Variants in MYO5C observed in about 807,000 individuals in gnomAD.
The protein encoded by MYO5C is myosin VC, also known as unconventional myosin-Vc.
Under a neutral mutation model 235.7 loss-of-function variants are expected in MYO5C, and 194 were observed. The ratio of observed to expected loss-of-function variants is 0.82; its 90% CI spans 0.73 to 0.93. The LOEUF (loss-of-function observed/expected upper bound fraction) is 0.93. MYO5C is among the 40% of genes least tolerant of loss of function. MYO5C has a pLI of 0.00. For synonymous variants in MYO5C, 707 were observed against 754.8 expected (o/e 0.94, Z 1.04); for missense variants, 2,038 against 2,127.2 (o/e 0.96, Z 0.82).
At chr15:52,211,652 T>G in intron 35 of MYO5C, 78 bp downstream of exon 35, 1 of 1,481,364 alleles carries the variant, frequency 6.8e-7, no homozygotes, top group South Asian at 1.3e-5. Context: ...CAATGGAGGC[T>G]CAGGATGGGC....
chr15:52,271,717 G>T, intron 7 of MYO5C, 46 bp downstream of exon 7: 2 of 1,082,710 alleles, frequency 1.8e-6, no homozygotes, highest in Non-Finnish European at 2.6e-6. Context: ...TAGAATTTAA[G>T]CCCTCCATAA....
At chr15:52,205,307 AG>A (rs1178555438) in intron 37 of MYO5C, 160 bp from the exon 38 acceptor site, 3 of 798,752 alleles carry the variant, frequency 3.8e-6, no homozygotes, top group Non-Finnish European at 5.8e-6. Flanking sequence ...TTGGGACACC[AG>A]GGTGTGTGTC....
At position 52,192,837 on chromosome 15, in the gene MYO5C, A is replaced by T. The variant is rs925061966; in HGVS notation, c.*1065T>A. The T allele has an allele frequency of 2.8e-5, 4 of 145,424 alleles. No individual in the cohort carries two copies. Among genetic ancestry groups the T allele is most frequent in the African/African-American group, 9.9e-5 (4 of 40,572 alleles). 9.0% of individuals were successfully genotyped at this position (145,424 alleles called of 1,614,324 possible). ...TTTCAATCTGAGGTTGTTTTAAAAA[A>T]GTTATTGTATGAAAGGTATTAAAAA... On this transcript the variant is annotated 3_prime_UTR_variant, in exon 41 of 41. Coordinates refer to ENST00000261839, the MANE Select transcript of MYO5C (RefSeq NM_018728.4).
rs1472422847 is a variant in MYO5C, at chr15:52,271,798, G to C, written c.797C>G (p.Ser266Cys). ...NYHIFYQLCA[S>C]AQQSEFKHLK... ...ATGTTTAAATTCCGACTGCTGTGCA[G>C]ATGCACAAAGCTGATAGAAAATGTG... Residue 266 changes from serine (S) to cysteine (C), a missense_variant, in exon 7 of 41, where the codon TCT (serine) becomes TGT (cysteine). Physicochemically the swap from Ser to Cys is moderately radical, Grantham distance 112. Coordinates refer to ENST00000261839, the MANE Select transcript of MYO5C (RefSeq NM_018728.4). 1.3e-6 allele frequency: 2 copies of C among 1,582,480 alleles called. No individual in the cohort carries two copies. Among genetic ancestry groups the C allele is most frequent in the African/African-American group, 1.3e-5 (1 of 74,564 alleles).
At chr15:52,258,005 CTGCT>C (rs2036618103) in intron 10 of MYO5C, among the ~76,000 whole-genome samples, 1 of 152,196 alleles carries the variant, frequency 6.6e-6, no homozygotes, top group East Asian at 1.9e-4. Context: ...GGAGGCTGGT[CTGCT>C]CATGGAAGCA....
rs552636024 is a variant in MYO5C at position 52,211,872 on chromosome 15, C to T, written c.4154G>A (p.Arg1385His). 52 of 1,613,740 alleles carry T rather than the reference C, an allele frequency of 3.2e-5. No individual in the cohort carries two copies. Among genetic ancestry groups the T allele is most frequent in the African/African-American group, 2.0e-4 (15 of 75,028 alleles). ...IQNLILDLKP[R>H]GVVVNMIPGL... is the part of the protein sequence containing the mutation. ...GGGGATCATGTTCACCACCACGCCA[C>T]GGGGCTTCAAGTCTGAAGCAGAGAG... The change falls in exon 35 of 41, where the codon CGT becomes CAT. Residue 1385 changes from arginine to histidine, a missense_variant. Coordinates refer to ENST00000261839, the MANE Select transcript of MYO5C (RefSeq NM_018728.4).
intron 25 of MYO5C, among the ~76,000 whole-genome samples, chr15:52,226,914 A>G (rs1395292904): frequency 1.3e-5 from 2 of 152,116 alleles, no homozygotes; most frequent in Non-Finnish European, 2.9e-5. Flanking sequence ...TTGGGAGGCT[A>G]GTGCGGGTGG....
At chr15:52,229,387 G>A in intron 24 of MYO5C, 74 bp from the exon 25 acceptor site, 4 of 1,405,406 alleles carry the variant, frequency 2.8e-6, no homozygotes, top group South Asian at 1.3e-5. Flanking sequence ...CACTTTGGGA[G>A]GCCAAGGCAG....
At chr15:52,286,970 G>T (rs77042728) in intron 1 of MYO5C, among the ~76,000 whole-genome samples, 1 of 107,402 alleles carries the variant, frequency 9.3e-6, no homozygotes, top group African/African-American at 2.8e-5. Context: ...AAAAAAAAAA[G>T]AAAAACTAAC....
intron 23 of MYO5C, among the ~76,000 whole-genome samples, chr15:52,234,961 G>C (rs1197647546): frequency 6.6e-6 from 1 of 150,514 alleles, no homozygotes; most frequent in Non-Finnish European, 1.5e-5. Flanking sequence ...ACTGAGAGTG[G>C]TGATTTAAAC....
chr15:52,284,403 C>G (rs1464219430), intron 1 of MYO5C, among the ~76,000 whole-genome samples: 1 of 146,976 alleles, frequency 6.8e-6, no homozygotes. Flanking sequence ...CTAAAGCATG[C>G]TGGGAAAAAA....
chr15:52,204,933 C>G lies in MYO5C; in HGVS notation c.4752G>C (p.Gly1584=), dbSNP rs763111592. ...GGAAGAGGCTGTTCAGCGTGACCGC[C>G]CCGATCAAGAAGAAGAGCTGCTTCA... ...QAVKQLFFLI[G]AVTLNSLFLR... is the part of the protein sequence containing the mutation. Residue 1584 remains glycine, a synonymous_variant, in exon 38 of 41, where the codon GGG becomes GGC. Transcript: ENST00000261839. 1.2e-6 allele frequency: 2 copies of G among 1,614,230 alleles called. No individual in the cohort carries two copies. The highest frequency in any genetic ancestry group is 2.2e-5 in the East Asian group (1 of 44,876).
chr15:52,273,474 T>A (rs2140847476), intron 5 of MYO5C, among the ~76,000 whole-genome samples: 1 of 152,346 alleles, frequency 6.6e-6, no homozygotes, highest in East Asian at 1.9e-4. Context: ...TGTATTGGTA[T>A]CATAAGGTGG....
intron 9 of MYO5C, among the ~76,000 whole-genome samples, chr15:52,262,504 C>G (rs1439989174): frequency 2.0e-5 from 3 of 152,184 alleles, no homozygotes; most frequent in African/African-American, 4.8e-5. Context: ...AGAGGGGGAT[C>G]TGCCACTTCA....
intron 1 of MYO5C, among the ~76,000 whole-genome samples, chr15:52,290,413 G>A (rs12898879): frequency 0.84 from 127,832 of 151,972 alleles, 55,039 homozygotes; most frequent in Middle Eastern, 0.93. Context: ...AAATCGTTAC[G>A]CTGAACTTTG....
At position 52,195,962 on chromosome 15, in the gene MYO5C, C is replaced by CTTTTTTT. The variant is rs71130140; in HGVS notation, c.4995+340_4995+346dup. Among the ~76,000 whole-genome samples the CTTTTTTT allele has an allele frequency of 4.5e-3, 367 of 80,918 alleles. 26 individuals carry two copies. Among genetic ancestry groups the CTTTTTTT allele is most frequent in the East Asian group, 0.018 (27 of 1,482 alleles). The allele number at this position is 80,918 out of a possible 152,430, so 53.1% of individuals were successfully genotyped here. A position where few individuals can be genotyped will look rare whatever the true frequency, so the allele number is the denominator to read the frequency against. On this transcript the variant is annotated intron_variant, in intron 39 of 40. Transcript: ENST00000261839. The stretch of plus-strand genomic sequence containing the variant: ...CAAAGGTGTGTGCCATCACACCCAG[C>CTTTTTTT]TTTTTTTTTTTTTTTTTTTTTTTTT...
intron 14 of MYO5C, among the ~76,000 whole-genome samples, chr15:52,248,135 ATTTTG>A (rs547866499): frequency 2.6e-5 from 4 of 151,930 alleles, no homozygotes; most frequent in Admixed American, 1.3e-4. Flanking sequence ...TGAATTTCAT[ATTTTG>A]TTTTGTTTTG....
Position 52,214,497 on chromosome 15 carries a change from A to AC in MYO5C, c.4042+105_4042+106insG, listed in dbSNP as rs1268490852. 171 of 843,574 alleles carry AC rather than the reference A, an allele frequency of 2.0e-4. 3 individuals carry two copies. In the South Asian group the frequency reaches 3.1e-3, roughly 15 times the overall value. 52.3% of individuals were successfully genotyped at this position (843,574 alleles called of 1,614,324 possible). ...TAGGTCACAAACCTCACCACTTGAG[A>AC]ATCATTCCTTTGGGTTTCATAAGCT... On this transcript the variant is annotated intron_variant, in intron 33 of 40. Coordinates refer to ENST00000261839, the MANE Select transcript of MYO5C (RefSeq NM_018728.4).
chr15:52,212,180 T>C (rs768937373), intron 34 of MYO5C, among the ~76,000 whole-genome samples: 2 of 152,162 alleles, frequency 1.3e-5, no homozygotes, highest in Non-Finnish European at 2.9e-5. Flanking sequence ...CAGACCCCCA[T>C]TGTAAGAAAG....
Sources: allele counts gnomAD v4.1 joint callset (sites outside exome capture counted in the v4.1 genomes callset), GRCh38; gene constraint gnomAD v4.1.1; transcripts MANE v1.5; gene names NCBI Gene and HGNC (gene_info 2026-07-23, HGNC 2026-07-21).